RUNX1: variants seen among roughly 807,000 people sequenced by gnomAD.
The protein encoded by RUNX1 is RUNX family transcription factor 1.
RUNX1 carries 19 observed loss-of-function variants against 42.8 expected under a neutral mutation model. The ratio of observed to expected loss-of-function variants is 0.44; its 90% CI spans 0.31 to 0.65. The LOEUF is 0.65. RUNX1 is among the 30% of genes least tolerant of loss of function. The pLI, the probability that RUNX1 is intolerant of heterozygous loss-of-function variation, is 0.07. For synonymous variants in RUNX1, 271 were observed against 289.4 expected (o/e 0.94, Z 0.64); for missense variants, 528 against 672.0 (o/e 0.79, Z 2.37).
rs1457702382 is a variant in RUNX1, at chr21:34,792,222, C to G, written c.1356G>C (p.Val452=). 1 of 1,540,074 alleles carries G rather than the reference C, an allele frequency of 6.5e-7. No homozygotes were observed. The highest frequency in any genetic ancestry group is 2.4e-5 in the East Asian group (1 of 41,492). Residue 452 remains valine (V), a synonymous_variant, in exon 9 of 9, where the codon GTG becomes GTC. Transcript: ENST00000675419. The surrounding 1 kb of genome is among the most constrained non-coding windows in gnomAD (Gnocchi z 6.9). ...LNPSLPNQSD[V]VEAEGSHSNS... ...TGCTGTGGCTGCCCTCGGCCTCCAC[C>G]ACGTCGCTCTGGTTCGGGAGGCTGG...
At chr21:34,796,562 AG>A (rs943290834) in intron 8 of RUNX1, among the ~76,000 whole-genome samples, 5 of 152,176 alleles carry the variant, frequency 3.3e-5, no homozygotes, top group African/African-American at 1.2e-4. Flanking sequence ...TAGGAGGTCC[AG>A]GTATTTTGGT....
chr21:35,037,642 C>T (rs1190888016), intron 2 of RUNX1, among the ~76,000 whole-genome samples: 1 of 152,216 alleles, frequency 6.6e-6, no homozygotes, highest in Admixed American at 6.5e-5. Flanking sequence ...CCACCTTTCC[C>T]AGCAGCCTAA....
chr21:34,834,459 G>A lies in RUNX1; in HGVS notation c.756C>T (p.Ser252=). 1.2e-6 allele frequency: 2 copies of A among 1,612,398 alleles called. No homozygotes were observed. The highest frequency in any genetic ancestry group is 1.7e-6 in the Non-Finnish European group (2 of 1,178,752). The change falls in exon 7 of 9, where the codon TCC becomes TCT. Residue 252 remains serine, a synonymous_variant. Coordinates refer to ENST00000675419, the MANE Select transcript of RUNX1 (RefSeq NM_001754.5). ...HPAPTPNPRA[S]LNHSTAFNPQ... ...GGTTAAAGGCAGTGGAGTGGTTCAG[G>A]GAGGCACGAGGGTTGGGCGTGGGGG...
intron 2 of RUNX1, among the ~76,000 whole-genome samples, chr21:34,969,534 G>T (rs1055916762): frequency 6.6e-6 from 1 of 152,160 alleles, no homozygotes; most frequent in East Asian, 1.9e-4. Flanking sequence ...CCAATTATCA[G>T]ATTTTGCATT....
At chr21:34,842,675 G>C (rs553888008) in intron 6 of RUNX1, among the ~76,000 whole-genome samples, 11 of 152,066 alleles carry the variant, frequency 7.2e-5, no homozygotes, top group African/African-American at 2.2e-4. Context: ...CGCACACACA[G>C]AGAGACATAC....
intron 2 of RUNX1, among the ~76,000 whole-genome samples, chr21:34,981,352 C>A (rs543246311): frequency 6.6e-6 from 1 of 152,324 alleles, no homozygotes; most frequent in African/African-American, 2.4e-5. Flanking sequence ...TGGCAATACT[C>A]TTCTGAATTT....
At chr21:34,858,781 A>G (rs926434950) in intron 6 of RUNX1, among the ~76,000 whole-genome samples, 2 of 152,196 alleles carry the variant, frequency 1.3e-5, no homozygotes, top group Non-Finnish European at 2.9e-5. Flanking sequence ...TCTGGAAAAG[A>G]GCGTTACTCT....
Position 34,827,855 on chromosome 21 carries a change from G to A in RUNX1, c.805+6555C>T, listed in dbSNP as rs138225312. Among the ~76,000 whole-genome samples, 30 of 152,354 alleles carry A rather than the reference G, an allele frequency of 2.0e-4. No individual in the cohort carries two copies. The East Asian group carries it at 5.8e-3, about 29-fold the overall frequency. On this transcript the variant is annotated intron_variant, in intron 7 of 8. Coordinates refer to ENST00000675419, the MANE Select transcript of RUNX1 (RefSeq NM_001754.5). Reference sequence around the variant, plus strand: ...TGGCTTCCTCCACCTAGATTACGAAGGATGCCACAGACTGCCTAGAAGCTC... The same window carrying A: ...TGGCTTCCTCCACCTAGATTACGAAAGATGCCACAGACTGCCTAGAAGCTC...
intron 2 of RUNX1, among the ~76,000 whole-genome samples, chr21:34,930,430 A>G (rs2058434729): frequency 6.6e-6 from 1 of 151,694 alleles, no homozygotes; most frequent in African/African-American, 2.4e-5. Context: ...CTGATTGATT[A>G]GAACTGGCTG....
intron 2 of RUNX1, among the ~76,000 whole-genome samples, chr21:34,913,367 G>A (rs905921705): frequency 2.6e-5 from 4 of 152,272 alleles, no homozygotes; most frequent in South Asian, 2.1e-4. Context: ...GTTCTGATGC[G>A]GGGCTGTTCA....
intron 2 of RUNX1, among the ~76,000 whole-genome samples, chr21:34,938,103 T>C (rs1056467632): frequency 6.6e-6 from 1 of 152,204 alleles, no homozygotes; most frequent in African/African-American, 2.4e-5. Context: ...AATTAATAAA[T>C]CATGAGTTAC....
chr21:35,007,645 C>A (rs572875754), intron 2 of RUNX1, among the ~76,000 whole-genome samples: 33 of 152,252 alleles, frequency 2.2e-4, no homozygotes, highest in African/African-American at 7.5e-4. Context: ...CTCTTGCTGG[C>A]CTCTACTCCT....
intron 2 of RUNX1, among the ~76,000 whole-genome samples, chr21:35,029,589 G>A (rs1277253446): frequency 6.6e-6 from 1 of 152,136 alleles, no homozygotes; most frequent in African/African-American, 2.4e-5. Context: ...ATGCTTCCTA[G>A]TGTTCCTAGC....
intron 3 of RUNX1, chr21:34,888,527 G>C: frequency 1.9e-6 from 2 of 1,065,600 alleles, no homozygotes; most frequent in Non-Finnish European, 1.1e-6. Context: ...ACAAAAAAAG[G>C]AAGGTCCAAC....
At chr21:34,871,563 A>AT (rs1332662310) in intron 5 of RUNX1, among the ~76,000 whole-genome samples, 3 of 152,068 alleles carry the variant, frequency 2.0e-5, no homozygotes, top group Non-Finnish European at 4.4e-5. Context: ...CTCCCTACGG[A>AT]TTTTTGTTTT....
At chr21:34,825,860 C>A (rs1453033209) in intron 7 of RUNX1, among the ~76,000 whole-genome samples, 1 of 152,072 alleles carries the variant, frequency 6.6e-6, no homozygotes, top group East Asian at 1.9e-4. Flanking sequence ...ACAAAGGAGG[C>A]CATATAAAGA....
rs914539633 is a variant in RUNX1 at position 34,790,394 on chromosome 21, C to T, written c.*1741G>A. 6.4e-5 allele frequency: 15 copies of T among 233,658 alleles called. No homozygotes were observed. Among genetic ancestry groups the T allele is most frequent in the Admixed American group, 3.4e-4 (6 of 17,804 alleles). 14.5% of individuals were successfully genotyped at this position (233,658 alleles called of 1,614,324 possible). On this transcript the variant is annotated 3_prime_UTR_variant, in exon 9 of 9. Transcript: ENST00000675419. ...ATACTCTTCAGAGTTGACCTGAAAT[C>T]GTTTCAACGAATTTTAAGAGGTACG...
intron 2 of RUNX1, among the ~76,000 whole-genome samples, chr21:34,967,814 C>T (rs1452003859): frequency 6.6e-6 from 1 of 152,158 alleles, no homozygotes; most frequent in Admixed American, 6.5e-5. Flanking sequence ...CCTTTATTTC[C>T]AAGGCAGCTT....
chr21:34,993,528 T>C (rs867971288), intron 2 of RUNX1, among the ~76,000 whole-genome samples: 1,944 of 85,720 alleles, frequency 0.023, 36 homozygotes, highest in African/African-American at 0.079. Flanking sequence ...CACACACACA[T>C]ACATACAGGC....
Sources: allele counts gnomAD v4.1 joint callset (sites outside exome capture counted in the v4.1 genomes callset), GRCh38; gene constraint gnomAD v4.1.1; non-coding constraint Gnocchi (gnomAD v3.1); transcripts MANE v1.5; gene names NCBI Gene and HGNC (gene_info 2026-07-23, HGNC 2026-07-21).